The following FAM53A variants were observed in gnomAD, a reference collection of about 807,000 sequenced individuals.
The protein encoded by FAM53A is family with sequence similarity 53 member A.
Under a neutral mutation model 26.6 loss-of-function variants are expected in FAM53A, and 28 were observed. The ratio of observed to expected loss-of-function variants is 1.05; its 90% CI spans 0.78 to 1.45. FAM53A has a LOEUF of 1.45. FAM53A is among the 40% of genes most tolerant of loss of function. FAM53A has a pLI of 0.00. For missense variants in FAM53A, 650 were observed against 575.8 expected (o/e 1.13, Z -1.32); for synonymous variants, 290 against 253.1 (o/e 1.15, Z -1.38).
At position 1,655,212 on chromosome 4, in the gene FAM53A, G is replaced by A. The variant is rs1386632802; in HGVS notation, c.648C>T (p.Pro216=). ...AGAGGGACGGGCGGCGCCTCGTGGA[G>A]GGCAAGCAGGACTCCGCGGAACACC... ...PLWCSAESCL[P]STRRRPSLSQ... Residue 216 remains proline (P), a synonymous_variant, in exon 4 of 5, where the codon CCC becomes CCT. Coordinates refer to ENST00000308132, the MANE Select transcript of FAM53A (RefSeq NM_001174070.3). The A allele has an allele frequency of 7.7e-6, 12 of 1,554,166 alleles. No individual in the cohort carries two copies. The highest frequency in any genetic ancestry group is 4.1e-5 in the African/African-American group (3 of 72,692).
At chr4:1,585,276 C>CTTTTT in the FAM53A span, among the ~76,000 whole-genome samples, 8 of 75,956 alleles carry the variant, frequency 1.1e-4, no homozygotes, top group Non-Finnish European at 1.6e-4. Context: ...CTCTCTCTCT[C>CTTTTT]TTTTTTTTTT....
intron 2 of FAM53A, 41 bp downstream of exon 2, chr4:1,668,626 G>A: frequency 6.2e-7 from 1 of 1,611,130 alleles, no homozygotes; most frequent in East Asian, 2.2e-5. Context: ...TGACAGCACG[G>A]GGGAGGGGCA....
downstream of FAM53A, among the ~76,000 whole-genome samples, chr4:1,635,206 G>C (rs1447053711): frequency 1.2e-4 from 18 of 152,096 alleles, no homozygotes; most frequent in Non-Finnish European, 5.9e-5. Flanking sequence ...CCAGTTATTT[G>C]GTCTCACAAA....
the FAM53A span, among the ~76,000 whole-genome samples, chr4:1,600,157 G>A: frequency 6.6e-6 from 1 of 152,178 alleles, no homozygotes; most frequent in Non-Finnish European, 1.5e-5. Flanking sequence ...CCAGGGATGA[G>A]CCAAGCCCTG....
chr4:1,624,845 G>A (rs551528854), intron 1 of FAM53A, among the ~76,000 whole-genome samples: 1 of 152,290 alleles, frequency 6.6e-6, no homozygotes, highest in East Asian at 1.9e-4. Flanking sequence ...GGCCCAAAAG[G>A]CATCAGAAGG....
At chr4:1,631,349 G>A (rs1046145940) in intron 1 of FAM53A, among the ~76,000 whole-genome samples, 1 of 152,248 alleles carries the variant, frequency 6.6e-6, no homozygotes, top group Admixed American at 6.5e-5. Context: ...GCAAGGCCAG[G>A]TCTCTGGGCC....
chr4:1,636,825 G>T (rs1221175487), downstream of FAM53A, among the ~76,000 whole-genome samples: 5 of 152,180 alleles, frequency 3.3e-5, no homozygotes, highest in Non-Finnish European at 7.4e-5. Context: ...CCTCAAGGGA[G>T]ACCTCCCTCC....
chr4:1,594,421 C>T, the FAM53A span, among the ~76,000 whole-genome samples: 21 of 152,276 alleles, frequency 1.4e-4, no homozygotes, highest in African/African-American at 4.8e-4. Context: ...GATAGAGGCA[C>T]TGCCCCCCGG....
At chr4:1,683,209 T>C (rs1715578970) in intron 1 of FAM53A, among the ~76,000 whole-genome samples, 1 of 152,178 alleles carries the variant, frequency 6.6e-6, no homozygotes, top group Non-Finnish European at 1.5e-5. Context: ...TCAGTTTCCA[T>C]TTTGGGGTAA....
the FAM53A span, among the ~76,000 whole-genome samples, chr4:1,582,639 T>C: frequency 6.6e-6 from 1 of 152,296 alleles, no homozygotes; most frequent in South Asian, 2.1e-4. Context: ...GAGGAGCTCT[T>C]GAGCCCAGGA....
chr4:1,635,151 AT>A (rs1715785125), downstream of FAM53A, among the ~76,000 whole-genome samples: 1 of 152,054 alleles, frequency 6.6e-6, no homozygotes, highest in Non-Finnish European at 1.5e-5. Flanking sequence ...AGTAGTATTT[AT>A]TTGCTCATTC....
Position 1,668,714 on chromosome 4 carries a change from G to A in FAM53A, c.28C>T (p.Gln10Ter), listed in dbSNP as rs1033490818. 4.3e-6 allele frequency: 7 copies of A among 1,614,064 alleles called. No individual in the cohort carries two copies. The highest frequency in any genetic ancestry group is 2.7e-5 in the African/African-American group (2 of 74,944). Reference sequence around the variant, plus strand: ...GTGAGGTCGTCCAGGCTCTGGCTCTGCAGCTTCTCAGTGATGAGTGTGACC... The same window carrying A: ...GTGAGGTCGTCCAGGCTCTGGCTCTACAGCTTCTCAGTGATGAGTGTGACC... MVTLITEKL[Q>*]SQSLDDLTCK... The change falls in exon 2 of 5, where the codon CAG (glutamine) becomes TAG (stop). Residue 10 changes from glutamine (Q) to a stop codon, truncating the protein, a stop_gained. Coordinates refer to ENST00000308132, the MANE Select transcript of FAM53A (RefSeq NM_001174070.3). LOFTEE classifies it high-confidence loss of function.
Position 1,632,200 on chromosome 4 carries a change from C to T in FAM53A, c.432-14089G>A, listed in dbSNP as rs149895797. On this transcript the variant is annotated intron_variant, in intron 1 of 1. Coordinates refer to the FAM53A transcript ENST00000489029. ...AAAAAAAGTTTAGTATTTGGAGATA[C>T]GGTCTCTAAAGAGGTAGTTAGGGTT... Among the ~76,000 whole-genome samples the T allele has an allele frequency of 2.6e-3, 390 of 149,368 alleles. 1 individual carries two copies. Among genetic ancestry groups the T allele is most frequent in the African/African-American group, 8.8e-3 (357 of 40,458 alleles).
intron 1 of FAM53A, among the ~76,000 whole-genome samples, chr4:1,632,607 C>A (rs1168613540): frequency 6.6e-6 from 1 of 152,240 alleles, no homozygotes; most frequent in Non-Finnish European, 1.5e-5. Flanking sequence ...TAGAGTAGAG[C>A]CACGGGGACA....
At chr4:1,606,040 CTTT>C in the FAM53A span, among the ~76,000 whole-genome samples, 2 of 135,810 alleles carry the variant, frequency 1.5e-5, no homozygotes, top group Non-Finnish European at 3.1e-5. Context: ...TCCTATGACT[CTTT>C]TTTTTTTTTT....
intron 1 of FAM53A, among the ~76,000 whole-genome samples, chr4:1,618,435 G>A (rs1427540763): frequency 6.6e-6 from 1 of 152,222 alleles, no homozygotes; most frequent in African/African-American, 2.4e-5. Context: ...TGGGAAGTGG[G>A]CTGGTACCAC....
rs756381151 is a variant in FAM53A, at chr4:1,655,477, T to G, written c.383A>C (p.Glu128Ala). 1 of 1,573,730 alleles carries G rather than the reference T, an allele frequency of 6.4e-7. No individual in the cohort carries two copies. The highest frequency in any genetic ancestry group is 8.6e-7 in the Non-Finnish European group (1 of 1,158,454). The change falls in exon 4 of 5, where the codon GAG (glutamate) becomes GCG (alanine). Residue 128 changes from glutamate (E) to alanine (A), a missense_variant. Coordinates refer to ENST00000308132, the MANE Select transcript of FAM53A (RefSeq NM_001174070.3). ...KRHCRSLSEP[E>A]ELVRCRSPWR... The stretch of plus-strand genomic sequence containing the variant: ...GGGGGACCGGCAGCGCACAAGCTCC[T>G]CGGGTTCTGACAAGGACCGGCAATG...
At chr4:1,658,737 G>A (rs1371829921) in intron 2 of FAM53A, among the ~76,000 whole-genome samples, 2 of 152,244 alleles carry the variant, frequency 1.3e-5, no homozygotes, top group African/African-American at 2.4e-5. Context: ...CTGCTTCCAC[G>A]CACTGGCCCG....
chr4:1,656,109 G>A (rs1469697925), intron 3 of FAM53A, among the ~76,000 whole-genome samples: 1 of 152,204 alleles, frequency 6.6e-6, no homozygotes, highest in Non-Finnish European at 1.5e-5. Context: ...ACCCCGGCCA[G>A]GACTCTCCAG....
Sources: allele counts gnomAD v4.1 joint callset (sites outside exome capture counted in the v4.1 genomes callset), GRCh38; gene constraint gnomAD v4.1.1; transcripts MANE v1.5; gene names NCBI Gene and HGNC (gene_info 2026-07-23, HGNC 2026-07-21).